The following ADAM28 variants were observed in gnomAD, a reference collection of about 807,000 sequenced individuals.
ADAM28 encodes the protein disintegrin and metalloproteinase domain-containing protein 28.
A neutral mutation model predicts 101.2 loss-of-function variants in ADAM28; 105 were observed. The ratio of observed to expected loss-of-function variants is 1.04; its 90% CI spans 0.89 to 1.22. The LOEUF is 1.22. ADAM28 is among the 50% of genes most tolerant of loss of function. The pLI is 0.00. For missense variants in ADAM28, 1,028 were observed against 945.4 expected (o/e 1.09, Z -1.15); for synonymous variants, 322 against 310.6 (o/e 1.04, Z -0.39).
At chr8:24,339,711 T>C (rs1563316865) in intron 15 of ADAM28, 143 bp downstream of exon 15, 1 of 676,536 alleles carries the variant, frequency 1.5e-6, no homozygotes, top group Non-Finnish European at 2.5e-6. Flanking sequence ...GTAACTACTA[T>C]GTGCCATGAT....
At chr8:24,316,872 C>T (rs1172050600) in intron 6 of ADAM28, among the ~76,000 whole-genome samples, 1 of 152,014 alleles carries the variant, frequency 6.6e-6, no homozygotes, top group Non-Finnish European at 1.5e-5. Context: ...AATAAAGTTG[C>T]AGGATATAAA....
chr8:24,296,723 AG>A (rs1219536280), intron 1 of ADAM28, among the ~76,000 whole-genome samples: 2 of 152,212 alleles, frequency 1.3e-5, no homozygotes, highest in African/African-American at 4.8e-5. Context: ...AGACTAATCC[AG>A]TGTGTGAGTT....
chr8:24,305,814 A>T (rs1484918156), intron 2 of ADAM28, among the ~76,000 whole-genome samples: 1 of 151,982 alleles, frequency 6.6e-6, no homozygotes. Context: ...ATATAATGGA[A>T]TGAGCACTGA....
At chr8:24,324,242 C>T (rs1450174306) in intron 9 of ADAM28, among the ~76,000 whole-genome samples, 1 of 151,578 alleles carries the variant, frequency 6.6e-6, no homozygotes, top group Non-Finnish European at 1.5e-5. Context: ...GAAGAAAAGA[C>T]AAGTTTATAT....
rs773900653 is a variant in ADAM28, at chr8:24,354,413, C to G, written c.*9C>G. 6.2e-7 allele frequency: 1 copy of G among 1,603,134 alleles called. No homozygotes were observed. Among genetic ancestry groups the G allele is most frequent in the Non-Finnish European group, 8.5e-7 (1 of 1,174,186 alleles). ...CAAATCCAAAAGCATGAAGCAACAG[C>G]TAAGCAAGAACTAATGGCTAAATTA... On this transcript the variant is annotated 3_prime_UTR_variant, in exon 23 of 23. Coordinates refer to ENST00000265769, the MANE Select transcript of ADAM28 (RefSeq NM_014265.6).
chr8:24,347,000 A>G (rs1815482431), intron 18 of ADAM28: 1 of 152,036 alleles, frequency 6.6e-6, no homozygotes, highest in South Asian at 2.1e-4. Context: ...ACATACCCGG[A>G]CACATCATTA....
intron 14 of ADAM28, chr8:24,336,021 G>A: frequency 2.0e-6 from 2 of 1,008,016 alleles, no homozygotes; most frequent in Non-Finnish European, 2.4e-6. Flanking sequence ...TAAACCCTTG[G>A]AAATCTGTGT....
intron 14 of ADAM28, among the ~76,000 whole-genome samples, chr8:24,338,388 C>T (rs1239270782): frequency 6.6e-6 from 1 of 152,132 alleles, no homozygotes; most frequent in Non-Finnish European, 1.5e-5. Flanking sequence ...ATATCAGCAG[C>T]AATAACTCTG....
At chr8:24,332,616 C>A in intron 12 of ADAM28, 44 bp from the exon 13 acceptor site, 1 of 1,221,702 alleles carries the variant, frequency 8.2e-7, no homozygotes, top group South Asian at 2.0e-5. Flanking sequence ...GAACTGGGAC[C>A]AAAAAGTAAT....
intron 10 of ADAM28, among the ~76,000 whole-genome samples, chr8:24,327,089 A>C (rs544577923): frequency 6.6e-6 from 1 of 152,220 alleles, no homozygotes; most frequent in African/African-American, 2.4e-5. Flanking sequence ...TCAAATAGAA[A>C]GAGAGGAAGT....
chr8:24,324,418 G>A (rs1812278797), intron 9 of ADAM28, among the ~76,000 whole-genome samples: 1 of 151,908 alleles, frequency 6.6e-6, no homozygotes, highest in Admixed American at 6.6e-5. Flanking sequence ...AAGAACAACA[G>A]GGGAAATAAA....
At chr8:24,320,651 T>G (rs1289618395) in intron 7 of ADAM28, among the ~76,000 whole-genome samples, 1 of 151,988 alleles carries the variant, frequency 6.6e-6, no homozygotes, top group East Asian at 1.9e-4. Flanking sequence ...TTTATTCTCA[T>G]TAGGGAGTCA....
At chr8:24,326,771 G>C (rs1259090260) in intron 10 of ADAM28, 136 bp downstream of exon 10, 2 of 751,414 alleles carry the variant, frequency 2.7e-6, no homozygotes, top group Non-Finnish European at 4.1e-6. Flanking sequence ...AATTTCAAAT[G>C]TTGAACTAAT....
intron 8 of ADAM28, among the ~76,000 whole-genome samples, chr8:24,322,328 G>A (rs1352036443): frequency 6.6e-6 from 1 of 151,912 alleles, no homozygotes; most frequent in Non-Finnish European, 1.5e-5. Context: ...ACTAGGTGAG[G>A]CGATAAGCCA....
intron 14 of ADAM28, among the ~76,000 whole-genome samples, chr8:24,337,623 A>T (rs1814259094): frequency 6.6e-6 from 1 of 152,194 alleles, no homozygotes; most frequent in South Asian, 2.1e-4. Context: ...AGACCTCTTA[A>T]GTCATACATT....
chr8:24,309,538 T>C (rs1392663918), intron 2 of ADAM28, among the ~76,000 whole-genome samples: 1 of 152,192 alleles, frequency 6.6e-6, no homozygotes, highest in Non-Finnish European at 1.5e-5. Flanking sequence ...TCATTGTCTG[T>C]CTTTTCACAA....
chr8:24,330,187 A>G (rs1813187816), intron 11 of ADAM28, 72 bp downstream of exon 11: 1 of 1,496,632 alleles, frequency 6.7e-7, no homozygotes, highest in Non-Finnish European at 9.0e-7. Context: ...GTACTACTTT[A>G]GGTCATCTTC....
chr8:24,345,444 T>A (rs1815293094), intron 18 of ADAM28, among the ~76,000 whole-genome samples: 1 of 152,076 alleles, frequency 6.6e-6, no homozygotes, highest in Admixed American at 6.5e-5. Context: ...TAATATACAT[T>A]TTTTAGCAAT....
At chr8:24,305,404 C>G (rs1381657994) in intron 2 of ADAM28, among the ~76,000 whole-genome samples, 1 of 146,730 alleles carries the variant, frequency 6.8e-6, no homozygotes, top group Non-Finnish European at 1.5e-5. Context: ...GCAAGTGTAA[C>G]CTTCACTTCT....
Sources: gnomAD v4.1 joint callset for allele counts (sites outside exome capture counted in the v4.1 genomes callset) on GRCh38, gnomAD v4.1.1 for gene constraint, MANE v1.5 for transcripts, NCBI Gene and HGNC (gene_info 2026-07-23, HGNC 2026-07-21) for gene names.